GABBR2: variants seen among roughly 807,000 people sequenced by gnomAD.
The protein encoded by GABBR2 is G-protein coupled receptor 51.
A neutral mutation model predicts 105.6 loss-of-function variants in GABBR2; 23 were observed. That is an observed-to-expected ratio of 0.22 (90% CI 0.16 to 0.31). The LOEUF is 0.31. Among genes scored for constraint, GABBR2 ranks in the 10% least tolerant of loss-of-function variants. The pLI is 1.00. For missense variants in GABBR2, 734 were observed against 1,245.5 expected (o/e 0.59, Z 6.18); for synonymous variants, 478 against 499.7 (o/e 0.96, Z 0.58).
At chr9:98,541,007 C>A (rs1828285420) in intron 3 of GABBR2, among the ~76,000 whole-genome samples, 1 of 152,180 alleles carries the variant, frequency 6.6e-6, no homozygotes, top group Admixed American at 6.5e-5. Flanking sequence ...AGCAAATCCA[C>A]TTCTAGAAGT....
chr9:98,528,197 T>C (rs901135522), intron 3 of GABBR2, among the ~76,000 whole-genome samples: 1 of 152,162 alleles, frequency 6.6e-6, no homozygotes. Context: ...AAAAGTGTAA[T>C]ATATTATTTT....
chr9:98,492,815 T>G (rs911760909), intron 4 of GABBR2, among the ~76,000 whole-genome samples: 1 of 152,216 alleles, frequency 6.6e-6, no homozygotes, highest in African/African-American at 2.4e-5. Context: ...CATCATATCA[T>G]GTCAAGGGAG....
At chr9:98,534,702 C>T (rs1031839309) in intron 3 of GABBR2, among the ~76,000 whole-genome samples, 1 of 152,176 alleles carries the variant, frequency 6.6e-6, no homozygotes, top group Non-Finnish European at 1.5e-5. Flanking sequence ...TTAGAATGGC[C>T]AAACTCCAGA....
chr9:98,306,828 C>T lies in GABBR2; in HGVS notation c.2005-483G>A, dbSNP rs1368596983. Among the ~76,000 whole-genome samples the T allele has an allele frequency of 6.6e-6, 1 of 152,186 alleles. No homozygotes were observed. The highest frequency in any genetic ancestry group is 1.5e-5 in the Non-Finnish European group (1 of 68,034). On this transcript the variant is annotated intron_variant, in intron 14 of 18. Transcript: ENST00000259455. This position sits in a 1 kb window ranked among gnomAD's most constrained non-coding sequence, Gnocchi z 5.4. ...GTCTGAGACTTCTATTGTCCCCAAG[C>T]ACACACAGACACCCAGAATAGCGAC... is the stretch of plus-strand genomic sequence containing the variant.
intron 13 of GABBR2, among the ~76,000 whole-genome samples, chr9:98,359,253 G>A (rs1224818627): frequency 6.6e-6 from 1 of 151,898 alleles, no homozygotes; most frequent in Non-Finnish European, 1.5e-5. Flanking sequence ...CACGGTGAAA[G>A]CCTATCTCTA....
chr9:98,697,490 CA>C (rs5899354), intron 1 of GABBR2, among the ~76,000 whole-genome samples: 2,906 of 141,016 alleles, frequency 0.021, 46 homozygotes, highest in Non-Finnish European at 0.033. Flanking sequence ...CACTCCGTCT[CA>C]AAAAAAAAAA....
chr9:98,686,007 G>T (rs1318213765), intron 1 of GABBR2, among the ~76,000 whole-genome samples: 1 of 152,092 alleles, frequency 6.6e-6, no homozygotes, highest in Non-Finnish European at 1.5e-5. Context: ...ACTTTAGTCA[G>T]GCTCCTCTGA....
intron 1 of GABBR2, among the ~76,000 whole-genome samples, chr9:98,662,533 G>A (rs1226138049): frequency 6.6e-6 from 1 of 152,156 alleles, no homozygotes; most frequent in Admixed American, 6.5e-5. Flanking sequence ...AAAAAGCTGA[G>A]GACCCCAGGA....
At chr9:98,590,128 G>T (rs755679193) in intron 1 of GABBR2, among the ~76,000 whole-genome samples, 1 of 152,166 alleles carries the variant, frequency 6.6e-6, no homozygotes, top group Non-Finnish European at 1.5e-5. Context: ...AATTACTGCT[G>T]CCTGGCAGAT....
rs1389691094 is a variant in GABBR2 at position 98,605,009 on chromosome 9, GCCCTC to G, written c.322-26942_322-26938del. Among the ~76,000 whole-genome samples, 4 of 152,168 alleles carry G rather than the reference GCCCTC, an allele frequency of 2.6e-5. No individual in the cohort carries two copies. The East Asian group carries it at 7.7e-4, about 29-fold the overall frequency. On this transcript the variant is annotated intron_variant, in intron 1 of 18. Transcript: ENST00000259455. Reference sequence around the variant, plus strand: ...AAGAGCCAAGGCTGACGTGGTCCCTGCCCTCCTGGTCTCCCACCCACATCACCCCT... The same window carrying G: ...AAGAGCCAAGGCTGACGTGGTCCCTGCTGGTCTCCCACCCACATCACCCCT...
At position 98,411,322 on chromosome 9, in the gene GABBR2, C is replaced by T. The variant is rs535015945; in HGVS notation, c.1237-5181G>A. ...TTACGGATAAAACCCTAAGTTTTGG[C>T]GTTTGCCAACAAGAGTAAATATTGC... On this transcript the variant is annotated intron_variant, in intron 7 of 18. Coordinates refer to ENST00000259455, the MANE Select transcript of GABBR2 (RefSeq NM_005458.8). Among the ~76,000 whole-genome samples the T allele has an allele frequency of 5.3e-5, 8 of 152,332 alleles. No homozygotes were observed. In the East Asian group the frequency reaches 1.2e-3, roughly 22 times the overall value.
intron 2 of GABBR2, among the ~76,000 whole-genome samples, chr9:98,545,916 C>G (rs2131744639): frequency 6.6e-6 from 1 of 152,298 alleles, no homozygotes; most frequent in African/African-American, 2.4e-5. Flanking sequence ...ACTTGGAGAC[C>G]AAGCTTTCTG....
intron 3 of GABBR2, among the ~76,000 whole-genome samples, chr9:98,499,506 C>A (rs976692385): frequency 6.6e-6 from 1 of 152,200 alleles, no homozygotes; most frequent in Non-Finnish European, 1.5e-5. Context: ...GGAGTCTATG[C>A]TCACCTCAAG....
At chr9:98,524,199 G>T (rs1349498880) in intron 3 of GABBR2, among the ~76,000 whole-genome samples, 1 of 152,102 alleles carries the variant, frequency 6.6e-6, no homozygotes, top group Non-Finnish European at 1.5e-5. Context: ...ATCCTGGATG[G>T]TTTCATAGAC....
At chr9:98,291,464 T>C (rs137862007) in intron 18 of GABBR2, among the ~76,000 whole-genome samples, 1 of 152,308 alleles carries the variant, frequency 6.6e-6, no homozygotes, top group African/African-American at 2.4e-5. Context: ...GCCTGCTCCA[T>C]CCTTCCTCTC....
At chr9:98,648,087 G>GTGTA (rs1564140763) in intron 1 of GABBR2, among the ~76,000 whole-genome samples, 13 of 69,808 alleles carry the variant, frequency 1.9e-4, no homozygotes, top group African/African-American at 7.6e-4. Context: ...CAGGGTGTGT[G>GTGTA]TGTGTGTGTG....
chr9:98,491,120 G>C (rs966652872), intron 4 of GABBR2, among the ~76,000 whole-genome samples: 2 of 151,916 alleles, frequency 1.3e-5, no homozygotes, highest in Non-Finnish European at 2.9e-5. Flanking sequence ...TTATTTCAGT[G>C]AGATGTAATT....
intron 13 of GABBR2, among the ~76,000 whole-genome samples, chr9:98,358,459 T>A (rs1831526533): frequency 6.6e-6 from 1 of 152,348 alleles, no homozygotes; most frequent in African/African-American, 2.4e-5. Flanking sequence ...CTGAAAAGTC[T>A]TCTTTGACCC....
chr9:98,537,153 A>G (rs1405680602), intron 3 of GABBR2, among the ~76,000 whole-genome samples: 1 of 152,170 alleles, frequency 6.6e-6, no homozygotes, highest in Admixed American at 6.5e-5. Context: ...TGGCCTGGGC[A>G]TCAGGATTTT....
Sources: allele counts gnomAD v4.1 joint callset (sites outside exome capture counted in the v4.1 genomes callset), GRCh38; gene constraint gnomAD v4.1.1; non-coding constraint Gnocchi (gnomAD v3.1); transcripts MANE v1.5; gene names NCBI Gene and HGNC (gene_info 2026-07-23, HGNC 2026-07-21).